Variants in UEVLD observed in about 807,000 individuals in gnomAD.
UEVLD encodes the protein ubiquitin-conjugating enzyme E2 variant 3.
Under a neutral mutation model 58.6 loss-of-function variants are expected in UEVLD, and 47 were observed. That is an observed-to-expected ratio of 0.80 (90% CI 0.63 to 1.02). UEVLD has a LOEUF of 1.02. Among genes scored for constraint, UEVLD ranks in the 50% least tolerant of loss-of-function variants. The probability of loss-of-function intolerance (pLI) is 0.00; values close to 1 mark genes in which losing one functional copy is unlikely to be tolerated. For missense variants in UEVLD, 510 were observed against 550.6 expected (o/e 0.93, Z 0.74); for synonymous variants, 197 against 195.3 (o/e 1.01, Z -0.07).
intron 1 of UEVLD, among the ~76,000 whole-genome samples, chr11:18,582,770 G>A (rs1762800914): frequency 6.6e-6 from 1 of 152,160 alleles, no homozygotes; most frequent in Non-Finnish European, 1.5e-5. Flanking sequence ...TGTGCTTAAA[G>A]GGTACAGGTA....
At chr11:18,578,082 AT>A (rs1210554095) in intron 2 of UEVLD, among the ~76,000 whole-genome samples, 1 of 152,068 alleles carries the variant, frequency 6.6e-6, no homozygotes, top group East Asian at 1.9e-4. Context: ...TGGCAAAGGG[AT>A]TTTTTAGATG....
At chr11:18,545,076 T>TATATATATATATA (rs72240623) in intron 8 of UEVLD, among the ~76,000 whole-genome samples, 1 of 34,408 alleles carries the variant, frequency 2.9e-5, no homozygotes, top group Non-Finnish European at 6.5e-5. Context: ...ATATCTATAT[T>TATATATATATATA]TTTTTTTTTT....
chr11:18,535,398 T>TA (rs1850750395), intron 10 of UEVLD, among the ~76,000 whole-genome samples: 2 of 152,242 alleles, frequency 1.3e-5, no homozygotes, highest in South Asian at 4.1e-4. Flanking sequence ...TTATAAATGA[T>TA]AAAAATACAT....
In UEVLD at chr11:18,564,908, A is replaced by G. The variant is rs1314816135; in HGVS notation, c.596T>C (p.Leu199Ser). Residue 199 changes from leucine to serine, a missense_variant, in exon 6 of 12, where the codon TTA becomes TCA. Physicochemically the swap from Leu to Ser is moderately radical, Grantham distance 145. Coordinates refer to ENST00000396197, the MANE Select transcript of UEVLD (RefSeq NM_001040697.4). ...GGGELGIACT[L>S]AISAKGIADR... ...TTTACATACCTTTGCTGAAATTGCTAATGTGCAGGCAATACCGAGTTCTCC... is the reference window on the plus strand; with the variant it reads ...TTTACATACCTTTGCTGAAATTGCTGATGTGCAGGCAATACCGAGTTCTCC... 4 of 1,611,956 alleles carry G rather than the reference A, an allele frequency of 2.5e-6. No homozygotes were observed. The highest frequency in any genetic ancestry group is 2.5e-6 in the Non-Finnish European group (3 of 1,178,276).
intron 3 of UEVLD, chr11:18,570,762 A>T (rs1288346174): frequency 1.3e-5 from 2 of 152,962 alleles, no homozygotes; most frequent in African/African-American, 4.8e-5. Flanking sequence ...AAAAAAAAAA[A>T]AAAGAAAAGA....
chr11:18,588,627 G>T lies in UEVLD; in HGVS notation c.28C>A (p.Arg10=), dbSNP rs138691837. 31 of 1,610,150 alleles carry T rather than the reference G, an allele frequency of 1.9e-5. No individual in the cohort carries two copies. In the African/African-American group the frequency reaches 4.0e-4, roughly 21 times the overall value. ...ACTGCCCGCACCTTGCCAAGCAGCC[G>T]TCTCAGGCCCTCGCAGTCGAACTCC... is the stretch of plus-strand genomic sequence containing the variant. The part of the protein sequence containing the change: MEFDCEGLR[R]LLGKYKFRDL... The change falls in exon 1 of 12, where the codon CGG becomes AGG. Residue 10 remains arginine (R), a synonymous_variant. Coordinates refer to ENST00000396197, the MANE Select transcript of UEVLD (RefSeq NM_001040697.4).
chr11:18,588,502 C>A, intron 1 of UEVLD, 111 bp downstream of exon 1: 1 of 1,339,108 alleles, frequency 7.5e-7, no homozygotes, highest in Non-Finnish European at 1.0e-6. Flanking sequence ...CGCCCCGGCT[C>A]CAAGCCCCAC....
chr11:18,567,661 T>C (rs148845946), intron 4 of UEVLD, among the ~76,000 whole-genome samples: 106 of 152,298 alleles, frequency 7.0e-4, no homozygotes, highest in African/African-American at 2.5e-3. Flanking sequence ...ACAAATTCCA[T>C]AGGCCTAACG....
chr11:18,578,830 T>G, intron 1 of UEVLD, 22 bp from the exon 2 acceptor site: 1 of 1,519,760 alleles, frequency 6.6e-7, no homozygotes, highest in Non-Finnish European at 9.0e-7. Context: ...AAAATAAGCA[T>G]GGAGTAAGAA....
chr11:18,530,392 GAATAT>G lies in UEVLD; in HGVS notation c.*1923_*1927del, dbSNP rs1313049982. The G allele has an allele frequency of 6.6e-6, 1 of 152,142 alleles. No homozygotes were observed. Among genetic ancestry groups the G allele is most frequent in the East Asian group, 1.9e-4 (1 of 5,194 alleles). The allele number at this position is 152,142 out of a possible 1,614,324, so 9.4% of individuals were successfully genotyped here. On this transcript the variant is annotated 3_prime_UTR_variant, in exon 12 of 12. Transcript: ENST00000396197. ...TTCTGCTTTCCTAACATGGGTTACT[GAATAT>G]AATTTCACCTTTTCTTTATGACTAA...
intron 9 of UEVLD, among the ~76,000 whole-genome samples, chr11:18,540,337 A>C (rs1851001562): frequency 1.3e-5 from 2 of 152,232 alleles, no homozygotes; most frequent in South Asian, 4.1e-4. Context: ...GTACAATAAA[A>C]AATAATTATA....
intron 7 of UEVLD, among the ~76,000 whole-genome samples, chr11:18,554,298 G>A (rs1414867206): frequency 6.6e-6 from 1 of 151,542 alleles, no homozygotes; most frequent in Non-Finnish European, 1.5e-5. Context: ...CTCCATGTTG[G>A]TCAGGCTGGT....
intron 6 of UEVLD, among the ~76,000 whole-genome samples, chr11:18,559,272 C>T (rs1565124764): frequency 6.6e-6 from 1 of 152,124 alleles, no homozygotes; most frequent in Non-Finnish European, 1.5e-5. Flanking sequence ...GAGCTCAGCT[C>T]ACTGCAACCT....
At chr11:18,559,055 G>A (rs879386445) in intron 6 of UEVLD, among the ~76,000 whole-genome samples, 4 of 151,830 alleles carry the variant, frequency 2.6e-5, no homozygotes, top group Non-Finnish European at 5.9e-5. Flanking sequence ...TGTATTTTTA[G>A]TAGAGACGGG....
chr11:18,566,483 C>T lies in UEVLD; in HGVS notation c.358-1G>A. 1 of 1,611,960 alleles carries T rather than the reference C, an allele frequency of 6.2e-7. No individual in the cohort carries two copies. Among genetic ancestry groups the T allele is most frequent in the Non-Finnish European group, 8.5e-7 (1 of 1,179,592 alleles). ...TTAATCCAACAATGACAGATTTAGGCTGTAGAATACACAAAAAACAGAAAA... is the reference window on the plus strand; with the variant it reads ...TTAATCCAACAATGACAGATTTAGGTTGTAGAATACACAAAAAACAGAAAA... On this transcript the variant is annotated splice_acceptor_variant, in intron 4 of 11. Transcript: ENST00000396197. LOFTEE classifies it high-confidence loss of function.
At chr11:18,564,216 G>A (rs1221728436) in intron 6 of UEVLD, among the ~76,000 whole-genome samples, 2 of 151,804 alleles carry the variant, frequency 1.3e-5, no homozygotes, top group African/African-American at 4.8e-5. Flanking sequence ...AATTTAGATG[G>A]CAAAACAATC....
chr11:18,536,011 G>A (rs1267001464), intron 10 of UEVLD, among the ~76,000 whole-genome samples: 1 of 152,188 alleles, frequency 6.6e-6, no homozygotes, highest in Non-Finnish European at 1.5e-5. Context: ...GCGCATGCCT[G>A]TAATTCCAGC....
chr11:18,556,467 A>G (rs1851761319), intron 7 of UEVLD, among the ~76,000 whole-genome samples: 1 of 152,226 alleles, frequency 6.6e-6, no homozygotes, highest in Non-Finnish European at 1.5e-5. Context: ...AACTTTTCTG[A>G]CTACCATTCC....
intron 10 of UEVLD, among the ~76,000 whole-genome samples, chr11:18,535,614 C>G (rs1207043958): frequency 1.3e-5 from 2 of 152,154 alleles, no homozygotes; most frequent in Non-Finnish European, 2.9e-5. Context: ...GGTGAAACAA[C>G]AAATGCCATG....
Sources: gnomAD v4.1 joint callset for allele counts (sites outside exome capture counted in the v4.1 genomes callset) on GRCh38, gnomAD v4.1.1 for gene constraint, MANE v1.5 for transcripts, NCBI Gene and HGNC (gene_info 2026-07-23, HGNC 2026-07-21) for gene names.